Variants in LRMDA observed in about 807,000 individuals in gnomAD.
The protein encoded by LRMDA is leucine rich melanocyte differentiation associated.
LRMDA carries 18 observed loss-of-function variants against 29.8 expected under a neutral mutation model. The observed-to-expected ratio is 0.60, with a 90% CI of 0.42 to 0.90. The LOEUF (loss-of-function observed/expected upper bound fraction) is 0.90, where lower values mean the gene tolerates loss of function less well. LRMDA is among the 40% of genes least tolerant of loss of function. The pLI, the probability that LRMDA is intolerant of heterozygous loss-of-function variation, is 0.00. For synonymous variants in LRMDA, 125 were observed against 109.4 expected, an observed-to-expected ratio of 1.14 and a Z score of -0.89; for missense variants, 273 against 273.9, an observed-to-expected ratio of 1.00 and a Z score of 0.02.
At chr10:75,445,354 A>G (rs1373240897) in intron 2 of LRMDA, among the ~76,000 whole-genome samples, 1 of 152,130 alleles carries the variant, frequency 6.6e-6, no homozygotes, top group Admixed American at 6.5e-5. Context: ...TATCTTTGTA[A>G]TACTCATTAA....
At chr10:76,281,996 T>A in intron 5 of LRMDA, among the ~76,000 whole-genome samples, 1 of 152,190 alleles carries the variant, frequency 6.6e-6, no homozygotes, top group Non-Finnish European at 1.5e-5. Flanking sequence ...CAGATTTGCA[T>A]TTTTTGGTGA....
intron 5 of LRMDA, among the ~76,000 whole-genome samples, chr10:76,129,359 C>T (rs908822719): frequency 2.6e-5 from 4 of 152,340 alleles, no homozygotes; most frequent in Non-Finnish European, 4.4e-5. Flanking sequence ...TCTCCTACTT[C>T]TGGCCAGGCT....
At chr10:75,735,126 C>A (rs1036759729) in intron 2 of LRMDA, among the ~76,000 whole-genome samples, 4 of 152,228 alleles carry the variant, frequency 2.6e-5, no homozygotes, top group African/African-American at 9.7e-5. Flanking sequence ...GCAACAGTAG[C>A]AGGCACTCAA....
chr10:75,578,228 A>AAAAAAAAAAAAG (rs1840535115), intron 2 of LRMDA, among the ~76,000 whole-genome samples: 2 of 143,530 alleles, frequency 1.4e-5, no homozygotes, highest in Non-Finnish European at 3.1e-5. Flanking sequence ...AAAAAAAAAA[A>AAAAAAAAAAAAG]AAAAAAAAAA....
chr10:76,299,191 A>G (rs1490661344), intron 5 of LRMDA, among the ~76,000 whole-genome samples: 21 of 114,130 alleles, frequency 1.8e-4, no homozygotes, highest in African/African-American at 8.2e-4. Flanking sequence ...GTGTGTGTGC[A>G]TGCACGCACG....
chr10:76,469,479 G>C (rs550146462), intron 6 of LRMDA, among the ~76,000 whole-genome samples: 1 of 152,162 alleles, frequency 6.6e-6, no homozygotes, highest in South Asian at 2.1e-4. Context: ...CACTGGGAGA[G>C]GCAAGCTGAG....
intron 2 of LRMDA, among the ~76,000 whole-genome samples, chr10:75,557,739 G>T (rs549329546): frequency 6.6e-6 from 1 of 152,150 alleles, no homozygotes; most frequent in Non-Finnish European, 1.5e-5. Flanking sequence ...GCCCAGCTGC[G>T]ATTTGTCCAC....
chr10:76,278,980 T>C (rs1840169578), intron 5 of LRMDA, among the ~76,000 whole-genome samples: 1 of 152,220 alleles, frequency 6.6e-6, no homozygotes, highest in Admixed American at 6.5e-5. Context: ...CTTATGTGGA[T>C]ATGCTTTTCA....
intron 6 of LRMDA, among the ~76,000 whole-genome samples, chr10:76,512,099 A>T (rs1434961185): frequency 1.3e-5 from 2 of 152,158 alleles, no homozygotes; most frequent in African/African-American, 4.8e-5. Flanking sequence ...GTAGTGAATA[A>T]GTCTCACGAG....
chr10:75,596,189 A>C (rs1311206230), intron 2 of LRMDA, among the ~76,000 whole-genome samples: 1 of 152,238 alleles, frequency 6.6e-6, no homozygotes, highest in Non-Finnish European at 1.5e-5. Flanking sequence ...TCCCTACATG[A>C]CAGGTGGTGA....
intron 2 of LRMDA, chr10:75,782,861 C>T: frequency 1.3e-6 from 2 of 1,552,458 alleles, no homozygotes; most frequent in Non-Finnish European, 8.7e-7. Context: ...TTCTTTTTCC[C>T]TTGCCCCCAA....
intron 3 of LRMDA, among the ~76,000 whole-genome samples, chr10:76,042,090 G>A (rs900358852): frequency 2.6e-5 from 4 of 152,182 alleles, no homozygotes; most frequent in African/African-American, 9.7e-5. Context: ...ATAAGGCTGT[G>A]TTTGTCCTTG....
intron 5 of LRMDA, among the ~76,000 whole-genome samples, chr10:76,122,357 C>T (rs1029630117): frequency 2.6e-5 from 4 of 152,004 alleles, no homozygotes; most frequent in Non-Finnish European, 4.4e-5. Context: ...TCGGCACCTT[C>T]AGGTGTTTTC....
At chr10:76,032,922 C>A (rs1295819879) in intron 2 of LRMDA, among the ~76,000 whole-genome samples, 1 of 152,070 alleles carries the variant, frequency 6.6e-6, no homozygotes, top group Non-Finnish European at 1.5e-5. Context: ...GCTGTCCATA[C>A]ACAAGGTGAT....
At chr10:76,418,659 C>T (rs1348342175) in intron 6 of LRMDA, among the ~76,000 whole-genome samples, 2 of 151,894 alleles carry the variant, frequency 1.3e-5, no homozygotes, top group African/African-American at 4.8e-5. Context: ...CAATATTGAA[C>T]ATAAATGGTC....
intron 6 of LRMDA, among the ~76,000 whole-genome samples, chr10:76,407,017 A>G (rs149410649): frequency 6.6e-6 from 1 of 152,278 alleles, no homozygotes; most frequent in East Asian, 1.9e-4. Context: ...ATCCACCCAC[A>G]AACATTTGTT....
At chr10:75,566,334 G>A (rs1240555783) in intron 2 of LRMDA, among the ~76,000 whole-genome samples, 1 of 151,960 alleles carries the variant, frequency 6.6e-6, no homozygotes, top group African/African-American at 2.4e-5. Flanking sequence ...CCTTACTCTT[G>A]GTCCTCTAAG....
intron 2 of LRMDA, among the ~76,000 whole-genome samples, chr10:75,709,011 T>C (rs1842404078): frequency 6.6e-6 from 1 of 152,228 alleles, no homozygotes; most frequent in Non-Finnish European, 1.5e-5. Context: ...AAGGACAGGC[T>C]TGGGAAATGG....
chr10:75,552,413 G>T lies in LRMDA; in HGVS notation c.131+113919G>T, dbSNP rs1278748357. On this transcript the variant is annotated intron_variant, in intron 2 of 6. Coordinates refer to ENST00000611255, the MANE Select transcript of LRMDA (RefSeq NM_001305581.2). The stretch of plus-strand genomic sequence containing the variant: ...GCTGTCATTCTTAGCTTTGTTCTGT[G>T]TTTTTTTTTTTTCCCCCCCCTCTGG... The T allele has an allele frequency of 4.2e-4, 96 of 231,250 alleles. 1 individual carries two copies. The highest frequency in any genetic ancestry group is 1.9e-3 in the Middle Eastern group (4 of 2,128). The allele number at this position is 231,250 out of a possible 1,614,324, so 14.3% of individuals were successfully genotyped here. A position where few individuals can be genotyped will look rare whatever the true frequency, so the allele number is the denominator to read the frequency against.
Sources: allele counts gnomAD v4.1 joint callset (sites outside exome capture counted in the v4.1 genomes callset), GRCh38; gene constraint gnomAD v4.1.1; transcripts MANE v1.5; gene names NCBI Gene and HGNC (gene_info 2026-07-23, HGNC 2026-07-21).